FAM219A: variants seen among roughly 807,000 people sequenced by gnomAD.
The protein encoded by FAM219A is protein FAM219A.
Under a neutral mutation model 23.4 loss-of-function variants are expected in FAM219A, and 7 were observed. That is an observed-to-expected ratio of 0.30 (90% confidence interval 0.17 to 0.56). The LOEUF is 0.56. Ranked by LOEUF, FAM219A falls within the 20% of genes least tolerant of loss-of-function variation. The probability of loss-of-function intolerance (pLI) is 0.92; values close to 1 mark genes in which losing one functional copy is unlikely to be tolerated. For missense variants in FAM219A, 166 were observed against 246.9 expected (o/e 0.67, Z 2.20); for synonymous variants, 93 against 99.0 (o/e 0.94, Z 0.36).
Position 34,417,067 on chromosome 9 carries a change from TCTC to T in FAM219A, c.61-11106_61-11104del. ...TTCCCCTTCCCTTTCCCCTTCCCCT[TCTC>T]CTTCTTCTTCTTTTTGGAGTCAGAG... On this transcript the variant is annotated intron_variant, in intron 1 of 5. Coordinates refer to ENST00000651358, the MANE Select transcript of FAM219A (RefSeq NM_001184940.2). This position sits in a 1 kb window ranked among gnomAD's most constrained non-coding sequence, Gnocchi z 4.1. Among the ~76,000 whole-genome samples, 1 of 147,466 alleles carries T rather than the reference TCTC, an allele frequency of 6.8e-6. No homozygotes were observed. Among genetic ancestry groups the T allele is most frequent in the South Asian group, 2.1e-4 (1 of 4,718 alleles).
chr9:34,427,050 C>G (rs1344606571), intron 1 of FAM219A, among the ~76,000 whole-genome samples: 4 of 152,156 alleles, frequency 2.6e-5, no homozygotes, highest in Admixed American at 2.6e-4. Context: ...CCACTCTTCC[C>G]CAGGCTTACT....
intron 1 of FAM219A, among the ~76,000 whole-genome samples, chr9:34,415,271 G>A (rs188960690): frequency 3.5e-4 from 53 of 152,254 alleles, no homozygotes; most frequent in Admixed American, 1.6e-3. Flanking sequence ...TATCACACTC[G>A]GGCTAGAGTT....
At chr9:34,409,650 T>G (rs1821757317) in intron 1 of FAM219A, among the ~76,000 whole-genome samples, 1 of 152,236 alleles carries the variant, frequency 6.6e-6, no homozygotes. Context: ...TAATGGCTAG[T>G]GCAAAGCCAA....
chr9:34,402,564 C>T (rs1821487383), intron 3 of FAM219A, 97 bp from the exon 4 acceptor site: 1 of 1,569,038 alleles, frequency 6.4e-7, no homozygotes, highest in African/African-American at 1.4e-5. Context: ...TCTTCCCTCC[C>T]TCCCCACCTT....
intron 1 of FAM219A, among the ~76,000 whole-genome samples, chr9:34,436,485 A>G (rs1822925351): frequency 6.6e-6 from 1 of 152,070 alleles, no homozygotes; most frequent in South Asian, 2.1e-4. Flanking sequence ...GGTTCAAGCA[A>G]TCCTCCCACC....
In FAM219A at chr9:34,400,048, A is replaced by T. The variant is rs186302340; in HGVS notation, c.*916T>A. 1 of 152,556 alleles carries T rather than the reference A, an allele frequency of 6.6e-6. No homozygotes were observed. The highest frequency in any genetic ancestry group is 1.9e-4 in the East Asian group (1 of 5,178). The allele number at this position is 152,556 out of a possible 1,614,324, so 9.5% of individuals were successfully genotyped here. A position where few individuals can be genotyped will look rare whatever the true frequency, so the allele number is the denominator to read the frequency against. On this transcript the variant is annotated 3_prime_UTR_variant, in exon 6 of 6. Coordinates refer to ENST00000651358, the MANE Select transcript of FAM219A (RefSeq NM_001184940.2). ...CCACATCCATAGAGCCACTCAGCCC[A>T]CTGGATTCACCAAAGCTTGCTCCTG...
chr9:34,446,621 C>A (rs1823384842), intron 1 of FAM219A, among the ~76,000 whole-genome samples: 1 of 152,236 alleles, frequency 6.6e-6, no homozygotes, highest in Non-Finnish European at 1.5e-5. Flanking sequence ...ACATTCCCAC[C>A]ATGGCTCTGG....
chr9:34,423,478 C>G (rs1439287535), intron 1 of FAM219A, among the ~76,000 whole-genome samples: 4 of 152,190 alleles, frequency 2.6e-5, no homozygotes, highest in Non-Finnish European at 4.4e-5. Flanking sequence ...GTCAATTTTA[C>G]TAGAATGTTA....
intron 1 of FAM219A, among the ~76,000 whole-genome samples, chr9:34,412,071 C>T (rs534900691): frequency 8.0e-4 from 122 of 152,052 alleles, no homozygotes; most frequent in Non-Finnish European, 1.6e-3. Context: ...CAGAAGATGA[C>T]GGGGAGCCAA....
chr9:34,402,311 G>T, intron 4 of FAM219A, 76 bp downstream of exon 4: 2 of 1,614,050 alleles, frequency 1.2e-6, no homozygotes, highest in Non-Finnish European at 1.7e-6. Context: ...AATATAGCAG[G>T]TGTGGCCTGT....
At chr9:34,438,940 C>T (rs879514051) in intron 1 of FAM219A, among the ~76,000 whole-genome samples, 1 of 152,260 alleles carries the variant, frequency 6.6e-6, no homozygotes, top group Non-Finnish European at 1.5e-5. Flanking sequence ...TGGGTCCACA[C>T]TGCTTTTATG....
chr9:34,422,882 T>C (rs1389136193), intron 1 of FAM219A, among the ~76,000 whole-genome samples: 1 of 152,104 alleles, frequency 6.6e-6, no homozygotes, highest in African/African-American at 2.4e-5. Context: ...AAAAATAATA[T>C]GGGCTGGGCG....
rs780149698 is a variant in FAM219A at position 34,401,222 on chromosome 9, G to A, written c.400-100C>T. The A allele has an allele frequency of 2.2e-4, 309 of 1,408,976 alleles. 1 individual carries two copies. Among genetic ancestry groups the A allele is most frequent in the Non-Finnish European group, 2.4e-4 (250 of 1,024,840 alleles). 87.3% of individuals were successfully genotyped at this position (1,408,976 alleles called of 1,614,324 possible). ...CCGTCTGCGCCCCAGTCCAGCCAGTGCCCTGGATATCAGCCCCGCCCTGTC... is the reference window on the plus strand; with the variant it reads ...CCGTCTGCGCCCCAGTCCAGCCAGTACCCTGGATATCAGCCCCGCCCTGTC... On this transcript the variant is annotated intron_variant, in intron 5 of 5. Transcript: ENST00000651358.
chr9:34,451,956 G>C (rs1339612862), intron 1 of FAM219A, among the ~76,000 whole-genome samples: 1 of 152,152 alleles, frequency 6.6e-6, no homozygotes, highest in Non-Finnish European at 1.5e-5. Flanking sequence ...ATCAGTGAAA[G>C]AGCCCAGCTC....
intron 1 of FAM219A, among the ~76,000 whole-genome samples, chr9:34,444,472 A>T (rs1823300236): frequency 6.6e-6 from 1 of 152,150 alleles, no homozygotes; most frequent in South Asian, 2.1e-4. Flanking sequence ...TTCCTCATTA[A>T]ATATTAAAGC....
At chr9:34,437,924 G>A (rs886866193) in intron 1 of FAM219A, among the ~76,000 whole-genome samples, 6 of 152,356 alleles carry the variant, frequency 3.9e-5, no homozygotes, top group East Asian at 1.9e-4. Context: ...GAGGTGTGGA[G>A]GGAGAGGCGC....
At chr9:34,401,641 A>G (rs774429505) in intron 5 of FAM219A, 25 bp downstream of exon 5, 18 of 1,601,486 alleles carry the variant, frequency 1.1e-5, no homozygotes, top group Admixed American at 5.2e-5. Flanking sequence ...GGTGGTGTCT[A>G]GGGTGAGAAG....
rs1189112475 is a variant in FAM219A, at chr9:34,399,589, C to T, written c.*1375G>A. On this transcript the variant is annotated 3_prime_UTR_variant, in exon 6 of 6. Coordinates refer to ENST00000651358, the MANE Select transcript of FAM219A (RefSeq NM_001184940.2). Reference sequence around the variant, plus strand: ...TTTCTACAGAGACACACAACTCCGCCCCACCCCAACCTTTAGGTATACTGA... The same window carrying T: ...TTTCTACAGAGACACACAACTCCGCTCCACCCCAACCTTTAGGTATACTGA... The T allele has an allele frequency of 2.0e-5, 3 of 152,160 alleles. No individual in the cohort carries two copies. The highest frequency in any genetic ancestry group is 7.2e-5 in the African/African-American group (3 of 41,408). The allele number at this position is 152,160 out of a possible 1,614,324, so 9.4% of individuals were successfully genotyped here. A position where few individuals can be genotyped will look rare whatever the true frequency, so the allele number is the denominator to read the frequency against.
intron 4 of FAM219A, chr9:34,402,119 T>A: frequency 7.0e-7 from 1 of 1,432,488 alleles, no homozygotes; most frequent in Non-Finnish European, 9.2e-7. Context: ...AGAGACAACA[T>A]CACAGGCCAA....
Sources: gnomAD v4.1 joint callset for allele counts (sites outside exome capture counted in the v4.1 genomes callset) on GRCh38, gnomAD v4.1.1 for gene constraint, Gnocchi (gnomAD v3.1) non-coding constraint, MANE v1.5 for transcripts, NCBI Gene and HGNC (gene_info 2026-07-23, HGNC 2026-07-21) for gene names.